SPATA17: variants seen among roughly 807,000 people sequenced by gnomAD.
SPATA17 encodes spermatogenesis-associated protein 17.
SPATA17 carries 53 observed loss-of-function variants against 62.2 expected under a neutral mutation model. The observed-to-expected ratio is 0.85, with a 90% CI of 0.68 to 1.07. SPATA17 has a LOEUF of 1.07. SPATA17 is among the 50% of genes least tolerant of loss of function. SPATA17 has a pLI of 0.00. For synonymous variants in SPATA17, 146 were observed against 146.8 expected, an observed-to-expected ratio of 0.99 and a Z score of 0.04; for missense variants, 466 against 425.5, an observed-to-expected ratio of 1.10 and a Z score of -0.84.
chr1:217,722,376 A>G (rs1224852785), intron 5 of SPATA17, among the ~76,000 whole-genome samples: 1 of 152,044 alleles, frequency 6.6e-6, no homozygotes, highest in Non-Finnish European at 1.5e-5. Flanking sequence ...TATATTTAGG[A>G]AACTTATTTA....
At chr1:217,758,026 A>G (rs1167991618) in intron 6 of SPATA17, among the ~76,000 whole-genome samples, 1 of 152,192 alleles carries the variant, frequency 6.6e-6, no homozygotes, top group Non-Finnish European at 1.5e-5. Flanking sequence ...TGAAATCCAC[A>G]AATAGCAGTC....
At chr1:217,825,678 C>A (rs1257772503) in intron 9 of SPATA17, among the ~76,000 whole-genome samples, 1 of 151,882 alleles carries the variant, frequency 6.6e-6, no homozygotes, top group Non-Finnish European at 1.5e-5. Context: ...ATATTTACAT[C>A]TTTAAATTTG....
chr1:217,633,788 G>C (rs915398835), intron 1 of SPATA17, among the ~76,000 whole-genome samples: 1 of 152,208 alleles, frequency 6.6e-6, no homozygotes, highest in Non-Finnish European at 1.5e-5. Flanking sequence ...GGACAAAAAG[G>C]CTTCTTCCTA....
At chr1:217,762,606 A>T (rs1673197492) in intron 6 of SPATA17, among the ~76,000 whole-genome samples, 1 of 152,064 alleles carries the variant, frequency 6.6e-6, no homozygotes, top group South Asian at 2.1e-4. Context: ...TAGATTGTCT[A>T]CTCTATGCCA....
At chr1:217,650,904 A>T (rs2102883867) in intron 2 of SPATA17, among the ~76,000 whole-genome samples, 193 bp from the exon 3 acceptor site, 1 of 152,370 alleles carries the variant, frequency 6.6e-6, no homozygotes, top group African/African-American at 2.4e-5. Flanking sequence ...AATAACAAAT[A>T]GTTACCAATG....
intron 9 of SPATA17, among the ~76,000 whole-genome samples, chr1:217,855,313 A>G (rs1675756986): frequency 6.6e-6 from 1 of 152,180 alleles, no homozygotes; most frequent in Non-Finnish European, 1.5e-5. Flanking sequence ...TGTTGCTGGA[A>G]TATCTTACCA....
intron 2 of SPATA17, among the ~76,000 whole-genome samples, chr1:217,649,835 A>G (rs534759044): frequency 1.3e-5 from 2 of 151,954 alleles, no homozygotes; most frequent in African/African-American, 4.8e-5. Context: ...CTACTCCATA[A>G]TAACTCATCA....
chr1:217,651,112 T>G lies in SPATA17; in HGVS notation c.174T>G (p.Ile58Met), dbSNP rs773880739. ...VRAYIRHLNRIVTIIQKWWRS... is the reference protein window; with the variant it reads ...VRAYIRHLNRMVTIIQKWWRS... The stretch of plus-strand genomic sequence containing the variant: ...TTTATCCTAGGCATTTAAACAGGAT[T>G]GTAACAATTATTCAAAAATGGTGGA... Residue 58 changes from isoleucine (I) to methionine (M), a missense_variant, in exon 3 of 11, where the codon ATT becomes ATG. Ile to Met is a conservative substitution (Grantham distance 10). Coordinates refer to ENST00000366933, the MANE Select transcript of SPATA17 (RefSeq NM_138796.4). The G allele has an allele frequency of 4.4e-6, 7 of 1,608,674 alleles. No homozygotes were observed. The highest frequency in any genetic ancestry group is 1.3e-5 in the African/African-American group (1 of 74,730).
At chr1:217,749,985 C>CTCTCTCTCTCTCTCTATATATATATATA in intron 6 of SPATA17, among the ~76,000 whole-genome samples, 3 of 12,312 alleles carry the variant, frequency 2.4e-4, no homozygotes, top group Non-Finnish European at 4.7e-4. Flanking sequence ...CTCTCTCTCT[C>CTCTCTCTCTCTCTCTATATATATATATA]TATATATATA....
At chr1:217,787,454 C>T (rs999120643) in intron 8 of SPATA17, among the ~76,000 whole-genome samples, 8 of 152,046 alleles carry the variant, frequency 5.3e-5, no homozygotes, top group South Asian at 2.1e-4. Flanking sequence ...TCCAGAGATA[C>T]GGAGCTGTTT....
At chr1:217,690,964 C>T (rs1163769735) in intron 5 of SPATA17, among the ~76,000 whole-genome samples, 1 of 146,864 alleles carries the variant, frequency 6.8e-6, no homozygotes, top group Non-Finnish European at 1.5e-5. Flanking sequence ...GTGCATGTGT[C>T]TTTATAGCAG....
At chr1:217,814,857 T>C (rs1674674547) in intron 9 of SPATA17, among the ~76,000 whole-genome samples, 1 of 151,890 alleles carries the variant, frequency 6.6e-6, no homozygotes, top group African/African-American at 2.4e-5. Flanking sequence ...CTTAAAAAAA[T>C]AAAATAAGAA....
intron 1 of SPATA17, among the ~76,000 whole-genome samples, chr1:217,638,883 T>G (rs1308557127): frequency 6.6e-6 from 1 of 151,976 alleles, no homozygotes; most frequent in African/African-American, 2.4e-5. Flanking sequence ...TATAAATATG[T>G]TAGGAAGGCA....
chr1:217,822,469 G>C (rs1179582700), intron 9 of SPATA17, among the ~76,000 whole-genome samples: 1 of 150,684 alleles, frequency 6.6e-6, no homozygotes, highest in East Asian at 1.9e-4. Flanking sequence ...TATAGATTTT[G>C]TTTTTATTTA....
chr1:217,837,371 C>G (rs1316252210), intron 9 of SPATA17, among the ~76,000 whole-genome samples: 3 of 151,994 alleles, frequency 2.0e-5, no homozygotes, highest in Non-Finnish European at 4.4e-5. Context: ...TCAGAATGGA[C>G]AGTAATACTG....
intron 9 of SPATA17, among the ~76,000 whole-genome samples, chr1:217,826,207 G>T (rs773495317): frequency 6.6e-6 from 1 of 152,024 alleles, no homozygotes; most frequent in Non-Finnish European, 1.5e-5. Flanking sequence ...TCCTCACATG[G>T]CCTCTTTTGT....
chr1:217,759,298 A>C lies in SPATA17; in HGVS notation c.520-15036A>C, dbSNP rs1673116348. ...ACTTGGCAAAACCCCGTCTCTACTA[A>C]AAATACTAAAATTAGCCAGGTGTGG... On this transcript the variant is annotated intron_variant, in intron 6 of 10. Coordinates refer to ENST00000366933, the MANE Select transcript of SPATA17 (RefSeq NM_138796.4). 7.9e-5 allele frequency among the ~76,000 whole-genome samples: 12 copies of C among 152,266 alleles called. No homozygotes were observed. The South Asian group carries it at 2.5e-3, about 32-fold the overall frequency.
chr1:217,789,492 A>G (rs1191330210), intron 8 of SPATA17, among the ~76,000 whole-genome samples: 1 of 152,202 alleles, frequency 6.6e-6, no homozygotes, highest in Non-Finnish European at 1.5e-5. Flanking sequence ...CGCCAAGCAA[A>G]AAGATTCAAG....
chr1:217,845,023 TC>T (rs1302118270), intron 9 of SPATA17, among the ~76,000 whole-genome samples: 1 of 152,094 alleles, frequency 6.6e-6, no homozygotes, highest in Non-Finnish European at 1.5e-5. Flanking sequence ...TAGCTTTTTT[TC>T]TCTTTTTGCC....
Sources: gnomAD v4.1 joint callset for allele counts (sites outside exome capture counted in the v4.1 genomes callset) on GRCh38, gnomAD v4.1.1 for gene constraint, MANE v1.5 for transcripts, NCBI Gene and HGNC (gene_info 2026-07-23, HGNC 2026-07-21) for gene names.